IGSF5: variants seen among roughly 807,000 people sequenced by gnomAD.
IGSF5 encodes immunoglobulin superfamily member 5.
Under a neutral mutation model 39.4 loss-of-function variants are expected in IGSF5, and 41 were observed. The observed-to-expected ratio is 1.04, with a 90% CI of 0.81 to 1.35. The LOEUF (loss-of-function observed/expected upper bound fraction) is 1.35. Ranked by LOEUF, IGSF5 falls within the 40% of genes most tolerant of loss-of-function variation. The probability of loss-of-function intolerance (pLI) is 0.00; values close to 1 mark genes in which losing one functional copy is unlikely to be tolerated. For missense variants in IGSF5, 487 were observed against 494.6 expected, an observed-to-expected ratio of 0.98 and a Z score of 0.15; for synonymous variants, 183 against 175.3, an observed-to-expected ratio of 1.04 and a Z score of -0.34.
the IGSF5 span, among the ~76,000 whole-genome samples, chr21:39,739,002 C>T: frequency 6.6e-6 from 1 of 152,094 alleles, no homozygotes; most frequent in African/African-American, 2.4e-5. Flanking sequence ...AATTCTCCTG[C>T]CTCAGCCTCC....
At chr21:39,794,257 C>A (rs2086982467) in intron 8 of IGSF5, among the ~76,000 whole-genome samples, 1 of 152,086 alleles carries the variant, frequency 6.6e-6, no homozygotes, top group Admixed American at 6.6e-5. Flanking sequence ...ATGGGTGGAG[C>A]AGTTTAGGGG....
intron 8 of IGSF5, among the ~76,000 whole-genome samples, chr21:39,800,684 A>G (rs1329618458): frequency 1.3e-5 from 2 of 152,244 alleles, no homozygotes; most frequent in Non-Finnish European, 2.9e-5. Flanking sequence ...CTGAGCTGCC[A>G]TTCTCAGGAC....
chr21:39,785,819 A>C (rs973771838), intron 5 of IGSF5, among the ~76,000 whole-genome samples: 2 of 152,182 alleles, frequency 1.3e-5, no homozygotes, highest in Admixed American at 1.3e-4. Context: ...CTTTGAAGCA[A>C]TTGTGAATGG....
chr21:39,725,761 A>C, the IGSF5 span: 1 of 152,346 alleles, frequency 6.6e-6, no homozygotes, highest in Non-Finnish European at 1.5e-5. Flanking sequence ...CATCATGCTC[A>C]TAATTATACG....
the IGSF5 span, among the ~76,000 whole-genome samples, chr21:39,714,322 C>T: frequency 2.0e-5 from 3 of 152,226 alleles, no homozygotes; most frequent in Non-Finnish European, 4.4e-5. Flanking sequence ...ATTGGCCTTG[C>T]TTCCCTTGCA....
chr21:39,737,981 C>T, the IGSF5 span, among the ~76,000 whole-genome samples: 46 of 152,252 alleles, frequency 3.0e-4, no homozygotes, highest in East Asian at 5.8e-4. Context: ...CAAGAGAGTA[C>T]GCAGAAGGGT....
the IGSF5 span, among the ~76,000 whole-genome samples, chr21:39,714,947 G>A: frequency 6.6e-6 from 1 of 152,172 alleles, no homozygotes; most frequent in Non-Finnish European, 1.5e-5. Flanking sequence ...AATTACACAT[G>A]GTGGATGGGG....
chr21:39,790,628 A>G (rs1335876910), intron 6 of IGSF5, among the ~76,000 whole-genome samples: 1 of 152,200 alleles, frequency 6.6e-6, no homozygotes, highest in Non-Finnish European at 1.5e-5. Flanking sequence ...ACTGCACTCC[A>G]ACCTGGGTGA....
In IGSF5 at chr21:39,751,476, A is replaced by C. The variant is rs151237368; in HGVS notation, c.100+5178A>C. 1.1e-4 allele frequency: 17 copies of C among 152,314 alleles called. No homozygotes were observed. The East Asian group carries it at 3.3e-3, about 29-fold the overall frequency. 9.4% of individuals were successfully genotyped at this position (152,314 alleles called of 1,614,324 possible). A position where few individuals can be genotyped will look rare whatever the true frequency, so the allele number is the denominator to read the frequency against. On this transcript the variant is annotated intron_variant, in intron 2 of 8. Transcript: ENST00000380588. The stretch of plus-strand genomic sequence containing the variant: ...TTGCACACATGATCTTCGCTTTCCA[A>C]CTTCCACAGAGTTAAAAACTACAAG...
At chr21:39,721,214 A>C in the IGSF5 span, among the ~76,000 whole-genome samples, 1 of 152,210 alleles carries the variant, frequency 6.6e-6, no homozygotes, top group Non-Finnish European at 1.5e-5. Context: ...CCCAATAGCA[A>C]TAGCATGACT....
chr21:39,795,644 A>G (rs935865783), intron 8 of IGSF5, among the ~76,000 whole-genome samples: 1 of 151,748 alleles, frequency 6.6e-6, no homozygotes, highest in African/African-American at 2.4e-5. Context: ...TGATGTTTGT[A>G]GTGTTCTTTT....
intron 2 of IGSF5, among the ~76,000 whole-genome samples, chr21:39,763,438 C>T (rs1387059919): frequency 6.6e-6 from 1 of 152,128 alleles, no homozygotes; most frequent in Admixed American, 6.5e-5. Context: ...GGTGTAGCTC[C>T]CTCCTCCCTC....
intron 2 of IGSF5, among the ~76,000 whole-genome samples, chr21:39,747,997 G>T (rs2079984284): frequency 6.6e-6 from 1 of 150,936 alleles, no homozygotes; most frequent in Admixed American, 6.6e-5. Context: ...AAGCACTGAA[G>T]GATTAAATGT....
chr21:39,796,864 A>G (rs907838364), intron 8 of IGSF5, among the ~76,000 whole-genome samples: 5 of 152,236 alleles, frequency 3.3e-5, no homozygotes, highest in Admixed American at 2.0e-4. Context: ...TGGCCTATCC[A>G]TGGAGATGCG....
rs777267237 is a variant in IGSF5 at position 39,792,089 on chromosome 21, A to G, written c.1038A>G (p.Gln346=). The G allele has an allele frequency of 7.5e-6, 12 of 1,607,932 alleles. No homozygotes were observed. In the African/African-American group the frequency reaches 1.3e-4, roughly 18 times the overall value. The change falls in exon 7 of 9, where the codon CAA becomes CAG. Residue 346 remains glutamine, a synonymous_variant. Coordinates refer to ENST00000380588, the MANE Select transcript of IGSF5 (RefSeq NM_001080444.2). ...ACTCCGGCTACAATTCAGATGAACAAAAGACCACAGGTGAGTAGACAAGAG... is the reference window on the plus strand; with the variant it reads ...ACTCCGGCTACAATTCAGATGAACAGAAGACCACAGGTGAGTAGACAAGAG... ...NENSGYNSDE[Q]KTTDTASLPP...
intron 2 of IGSF5, among the ~76,000 whole-genome samples, chr21:39,753,723 T>C (rs1477990452): frequency 1.5e-5 from 2 of 135,618 alleles, no homozygotes; most frequent in Non-Finnish European, 3.1e-5. Flanking sequence ...TTTATCACTA[T>C]ATAATGCCCT....
chr21:39,759,024 A>G (rs1253518669), intron 2 of IGSF5, among the ~76,000 whole-genome samples: 1 of 151,896 alleles, frequency 6.6e-6, no homozygotes, highest in Admixed American at 6.6e-5. Context: ...ACTCCACCCC[A>G]CTCCCAGTGA....
chr21:39,784,267 A>G (rs1309133761), intron 5 of IGSF5, among the ~76,000 whole-genome samples: 2 of 152,222 alleles, frequency 1.3e-5, no homozygotes, highest in African/African-American at 4.8e-5. Context: ...ATTTTAATAG[A>G]GATGTGACTA....
chr21:39,761,336 T>A (rs2080060680), intron 2 of IGSF5, among the ~76,000 whole-genome samples: 1 of 152,216 alleles, frequency 6.6e-6, no homozygotes, highest in Non-Finnish European at 1.5e-5. Flanking sequence ...TTCTTGACAT[T>A]GGCTTTGGCG....
Sources: gnomAD v4.1 joint callset for allele counts (sites outside exome capture counted in the v4.1 genomes callset) on GRCh38, gnomAD v4.1.1 for gene constraint, MANE v1.5 for transcripts, NCBI Gene and HGNC (gene_info 2026-07-23, HGNC 2026-07-21) for gene names.